WWOX: variants seen among roughly 807,000 people sequenced by gnomAD.
The protein encoded by WWOX is WW domain-containing oxidoreductase.
In WWOX, 69 loss-of-function variants were observed where a neutral mutation model predicts 46.2. The ratio of observed to expected loss-of-function variants is 1.49; its 90% CI spans 1.23 to 1.82. WWOX has a LOEUF of 1.82. Ranked by LOEUF, WWOX falls within the 40% of genes most tolerant of loss-of-function variation. The pLI, the probability that WWOX is intolerant of heterozygous loss-of-function variation, is 0.00. For synonymous variants in WWOX, 359 were observed against 202.6 expected, an observed-to-expected ratio of 1.77 and a Z score of -6.56; for missense variants, 919 against 542.6, an observed-to-expected ratio of 1.69 and a Z score of -6.89.
rs186629901 is a variant in WWOX at position 78,411,052 on chromosome 16, A to T, written c.606-13818A>T. ...TGGATTGAGTAAGCAAGAGAGCAAG[A>T]ACAGGAGTGATACAGAAGCCAGCAT... is the stretch of plus-strand genomic sequence containing the variant. On this transcript the variant is annotated intron_variant, in intron 6 of 8. Coordinates refer to ENST00000566780, the MANE Select transcript of WWOX (RefSeq NM_016373.4). 7.3e-3 allele frequency among the ~76,000 whole-genome samples: 1,115 copies of T among 152,278 alleles called. 8 individuals are homozygous for T. Among genetic ancestry groups the T allele is most frequent in the Non-Finnish European group, 7.4e-3 (502 of 68,016 alleles).
intron 8 of WWOX, among the ~76,000 whole-genome samples, chr16:79,187,699 G>A (rs928750636): frequency 1.3e-5 from 2 of 152,298 alleles, no homozygotes; most frequent in Middle Eastern, 6.8e-3. Context: ...GCGCCACCAT[G>A]CCTGGCTAAT....
intron 8 of WWOX, among the ~76,000 whole-genome samples, chr16:78,822,180 A>G (rs1208440333): frequency 1.3e-5 from 2 of 152,152 alleles, no homozygotes; most frequent in Non-Finnish European, 1.5e-5. Flanking sequence ...CCAGCCTTAA[A>G]TAAACTCTTT....
intron 6 of WWOX, among the ~76,000 whole-genome samples, chr16:78,405,971 C>T (rs1034290335): frequency 1.3e-5 from 2 of 152,062 alleles, no homozygotes; most frequent in Non-Finnish European, 2.9e-5. Flanking sequence ...TTCTCTTATG[C>T]ACATATCATG....
intron 8 of WWOX, among the ~76,000 whole-genome samples, chr16:78,829,740 G>A (rs1195080640): frequency 6.6e-6 from 1 of 152,130 alleles, no homozygotes; most frequent in Admixed American, 6.5e-5. Context: ...AGGAAACTGA[G>A]ACCCAGAGAT....
chr16:78,518,125 G>A (rs752424301), intron 8 of WWOX, among the ~76,000 whole-genome samples: 2 of 152,102 alleles, frequency 1.3e-5, no homozygotes, highest in Admixed American at 1.3e-4. Flanking sequence ...TTTCATAAGA[G>A]TCACATGAAA....
chr16:79,062,327 C>G (rs1015808085), intron 8 of WWOX, among the ~76,000 whole-genome samples: 1 of 152,196 alleles, frequency 6.6e-6, no homozygotes, highest in Non-Finnish European at 1.5e-5. Flanking sequence ...TTTTAATTAT[C>G]TTCAGTTGGA....
intron 5 of WWOX, among the ~76,000 whole-genome samples, chr16:78,269,338 C>T (rs543197605): frequency 5.3e-5 from 8 of 152,306 alleles, no homozygotes; most frequent in African/African-American, 1.9e-4. Flanking sequence ...CCCGGATAGA[C>T]TGGAGACTCA....
chr16:78,379,893 G>A (rs1400036929), intron 5 of WWOX, among the ~76,000 whole-genome samples: 1 of 152,254 alleles, frequency 6.6e-6, no homozygotes, highest in Non-Finnish European at 1.5e-5. Flanking sequence ...TAAGCATAAT[G>A]TAGGCATGAG....
At chr16:78,753,795 C>A (rs1447996075) in intron 8 of WWOX, among the ~76,000 whole-genome samples, 1 of 76,878 alleles carries the variant, frequency 1.3e-5, no homozygotes, top group Admixed American at 1.8e-4. Flanking sequence ...GGGCAAGACC[C>A]TATATCAAAA....
chr16:78,759,429 G>C (rs1049183690), intron 8 of WWOX, among the ~76,000 whole-genome samples: 1 of 152,162 alleles, frequency 6.6e-6, no homozygotes, highest in Admixed American at 6.5e-5. Context: ...GAAGCAGTGA[G>C]AGCCTGTTGA....
intron 8 of WWOX, among the ~76,000 whole-genome samples, chr16:78,996,734 G>C (rs1043724458): frequency 5.3e-5 from 8 of 152,132 alleles, no homozygotes; most frequent in Admixed American, 5.2e-4. Flanking sequence ...CATGAAAACA[G>C]GTTGCTCTGC....
intron 5 of WWOX, among the ~76,000 whole-genome samples, chr16:78,201,901 A>T (rs991712349): frequency 1.3e-5 from 2 of 151,884 alleles, no homozygotes; most frequent in African/African-American, 4.8e-5. Context: ...GGATTTTGCT[A>T]TGTTGCCCAG....
chr16:78,883,099 T>A (rs758800324), intron 8 of WWOX, among the ~76,000 whole-genome samples: 3 of 152,064 alleles, frequency 2.0e-5, no homozygotes, highest in Non-Finnish European at 4.4e-5. Context: ...CAGAAAAGGG[T>A]AGATATTCAG....
At chr16:78,718,092 G>GTTTTTTTTT in intron 8 of WWOX, among the ~76,000 whole-genome samples, 1 of 139,614 alleles carries the variant, frequency 7.2e-6, no homozygotes, top group African/African-American at 2.9e-5. Flanking sequence ...GGTTCTGGTG[G>GTTTTTTTTT]TTGTATTTTT....
At chr16:78,332,800 G>T (rs1224591273) in intron 5 of WWOX, among the ~76,000 whole-genome samples, 3 of 152,090 alleles carry the variant, frequency 2.0e-5, no homozygotes, top group Non-Finnish European at 2.9e-5. Flanking sequence ...GGTTCCACAG[G>T]AAATATTAGC....
intron 8 of WWOX, among the ~76,000 whole-genome samples, chr16:78,756,738 A>AGTGC (rs2049658391): frequency 1.3e-5 from 2 of 152,202 alleles, no homozygotes; most frequent in Non-Finnish European, 2.9e-5. Context: ...GTGGACAAAG[A>AGTGC]ATCAAACCTA....
intron 8 of WWOX, among the ~76,000 whole-genome samples, chr16:79,053,516 G>A (rs533895419): frequency 3.9e-5 from 6 of 152,140 alleles, no homozygotes; most frequent in African/African-American, 9.6e-5. Flanking sequence ...GTGTTGCTAC[G>A]GCTTGACTTT....
At chr16:79,120,328 C>T (rs2049603199) in intron 8 of WWOX, among the ~76,000 whole-genome samples, 1 of 152,140 alleles carries the variant, frequency 6.6e-6, no homozygotes, top group South Asian at 2.1e-4. Context: ...CTGTCAGGCG[C>T]ATTTACCCTA....
At chr16:79,120,028 G>A (rs1461161904) in intron 8 of WWOX, among the ~76,000 whole-genome samples, 2 of 152,174 alleles carry the variant, frequency 1.3e-5, no homozygotes, top group East Asian at 1.9e-4. Flanking sequence ...CCCAGTGGCC[G>A]TGGCCTGGGC....
Sources: gnomAD v4.1 joint callset for allele counts (sites outside exome capture counted in the v4.1 genomes callset) on GRCh38, gnomAD v4.1.1 for gene constraint, MANE v1.5 for transcripts, NCBI Gene and HGNC (gene_info 2026-07-23, HGNC 2026-07-21) for gene names.